VIT: variants seen among roughly 807,000 people sequenced by gnomAD.
The protein encoded by VIT is vitrin.
VIT carries 99 observed loss-of-function variants against 78.0 expected under a neutral mutation model. That is an observed-to-expected ratio of 1.27 (90% CI 1.08 to 1.50). The LOEUF (loss-of-function observed/expected upper bound fraction) is 1.50. VIT is among the 40% of genes most tolerant of loss of function. The probability of loss-of-function intolerance (pLI) is 0.00; values close to 1 mark genes in which losing one functional copy is unlikely to be tolerated. For missense variants in VIT, 1,126 were observed against 875.3 expected (o/e 1.29, Z -3.61); for synonymous variants, 374 against 334.3 (o/e 1.12, Z -1.29).
chr2:36,724,510 A>G (rs969933671), intron 2 of VIT, among the ~76,000 whole-genome samples: 3 of 152,266 alleles, frequency 2.0e-5, no homozygotes, highest in African/African-American at 7.2e-5. Context: ...GCAATTTACC[A>G]TTTCCAGTGT....
intron 1 of VIT, among the ~76,000 whole-genome samples, chr2:36,703,936 G>GTT (rs1367529115): frequency 1.4e-4 from 1 of 7,048 alleles, no homozygotes; most frequent in East Asian, 5.3e-3. Context: ...TTTTGTTTTT[G>GTT]TTTTTTTTTT....
chr2:36,767,854 A>G (rs774966309), intron 7 of VIT, among the ~76,000 whole-genome samples: 2 of 152,206 alleles, frequency 1.3e-5, no homozygotes, highest in Non-Finnish European at 2.9e-5. Context: ...GCACAGACTT[A>G]TATCTACACC....
intron 12 of VIT, among the ~76,000 whole-genome samples, chr2:36,796,658 G>C (rs531815493): frequency 6.6e-6 from 1 of 151,232 alleles, no homozygotes; most frequent in South Asian, 2.1e-4. Flanking sequence ...GTTGTTGTTT[G>C]TTTGTGTTTG....
chr2:36,758,958 C>CT lies in VIT; in HGVS notation c.410-5dup, dbSNP rs1668938861. 11 of 1,587,842 alleles carry CT rather than the reference C, an allele frequency of 6.9e-6. No individual in the cohort carries two copies. The highest frequency in any genetic ancestry group is 2.2e-5 in the East Asian group (1 of 44,700). ...GAAATAAATCTCGTTTTTTTTTTCT[C>CT]TTTTTTGCAGAAAGTAAACCCAAAA... On this transcript the variant is annotated splice_polypyrimidine_tract_variant and intron_variant, in intron 5 of 15. Transcript: ENST00000379242.
chr2:36,700,005 C>T (rs1664950569), intron 1 of VIT, among the ~76,000 whole-genome samples: 2 of 91,386 alleles, frequency 2.2e-5, no homozygotes, highest in South Asian at 3.6e-4. Flanking sequence ...TTGATCAGTG[C>T]CAAATGTTAG....
chr2:36,766,988 G>C (rs959891209), intron 6 of VIT, 106 bp from the exon 7 acceptor site: 1 of 1,307,674 alleles, frequency 7.6e-7, no homozygotes, highest in African/African-American at 1.5e-5. Context: ...GGCTAGCACA[G>C]CTCTGTGCTC....
chr2:36,718,712 G>T (rs1411456866), intron 2 of VIT, among the ~76,000 whole-genome samples: 1 of 152,142 alleles, frequency 6.6e-6, no homozygotes, highest in African/African-American at 2.4e-5. Flanking sequence ...TAGGTACCTG[G>T]ACCAGGAGCC....
chr2:36,763,298 T>G (rs1669230686), intron 6 of VIT, among the ~76,000 whole-genome samples: 1 of 152,050 alleles, frequency 6.6e-6, no homozygotes, highest in African/African-American at 2.4e-5. Context: ...CCTGCTATGT[T>G]TGAGAAGGTG....
intron 5 of VIT, among the ~76,000 whole-genome samples, chr2:36,755,616 G>C (rs139195466): frequency 6.6e-6 from 1 of 152,272 alleles, no homozygotes; most frequent in African/African-American, 2.4e-5. Flanking sequence ...TGCTCGAGTA[G>C]CTTGTTCCCC....
At chr2:36,757,349 C>T (rs1668827547) in intron 5 of VIT, among the ~76,000 whole-genome samples, 1 of 152,210 alleles carries the variant, frequency 6.6e-6, no homozygotes. Flanking sequence ...ATGATCTTTA[C>T]ACAGTCCAGG....
chr2:36,761,650 G>A (rs907411430), intron 6 of VIT, among the ~76,000 whole-genome samples: 1 of 152,106 alleles, frequency 6.6e-6, no homozygotes, highest in African/African-American at 2.4e-5. Context: ...TGAGGCAGGA[G>A]AATCACTTGA....
chr2:36,765,435 A>AGAGAGAGAGAGAGAGAGAG lies in VIT; in HGVS notation c.488-1659_488-1658insGAGAGAGAGAGAGAGAGAG, dbSNP rs1553372934. Among the ~76,000 whole-genome samples the AGAGAGAGAGAGAGAGAGAG allele has an allele frequency of 1.0e-3, 142 of 135,376 alleles. 5 individuals carry two copies. The highest frequency in any genetic ancestry group is 1.4e-3 in the Non-Finnish European group (88 of 62,632). 88.8% of individuals were successfully genotyped at this position (135,376 alleles called of 152,430 possible). A position where few individuals can be genotyped will look rare whatever the true frequency, so the allele number is the denominator to read the frequency against. ...CAGGCGAGAGAGAGAGAGAGAGAGA[A>AGAGAGAGAGAGAGAGAGAG]AGAGAGAGAGAGGAAAAACTGCCTT... On this transcript the variant is annotated intron_variant, in intron 6 of 15. Transcript: ENST00000379242.
chr2:36,761,796 G>A (rs529237008), intron 6 of VIT, among the ~76,000 whole-genome samples: 56 of 152,164 alleles, frequency 3.7e-4, no homozygotes, highest in Admixed American at 7.8e-4. Flanking sequence ...GCTTTGGGCC[G>A]TATCTGGACA....
intron 5 of VIT, among the ~76,000 whole-genome samples, chr2:36,756,268 C>T (rs1469363640): frequency 6.6e-6 from 1 of 151,998 alleles, no homozygotes; most frequent in Non-Finnish European, 1.5e-5. Flanking sequence ...TAACAGTGTT[C>T]TATACTCACC....
Position 36,805,635 on chromosome 2 carries a change from T to C in VIT, c.1360T>C (p.Tyr454His). The change falls in exon 14 of 16, where the codon TAT becomes CAT. Residue 454 changes from tyrosine to histidine, a missense_variant. Coordinates refer to ENST00000379242, the MANE Select transcript of VIT (RefSeq NM_053276.4). ...IEGAAENEKQYVVEPNFANKA... is the reference protein window; with the variant it reads ...IEGAAENEKQHVVEPNFANKA... ...AGGTGCTGCTGAAAATGAGAAGCAG[T>C]ATGTGGTGGAGCCCAACTTTGCAAA... 6.2e-7 allele frequency: 1 copy of C among 1,614,058 alleles called. No homozygotes were observed.
chr2:36,705,006 A>C lies in VIT; in HGVS notation c.-19+8033A>C, dbSNP rs540126827. Among the ~76,000 whole-genome samples the C allele has an allele frequency of 2.4e-4, 36 of 152,334 alleles. No homozygotes were observed. The South Asian group carries it at 7.3e-3, about 31-fold the overall frequency. The stretch of plus-strand genomic sequence containing the variant: ...ACCAAACACCCAGCTCCAAATTCAC[A>C]GTAGACGGCCCTTTGGCAACTACAA... On this transcript the variant is annotated intron_variant, in intron 1 of 15. Transcript: ENST00000379242.
chr2:36,767,279 G>C lies in VIT; in HGVS notation c.673G>C (p.Glu225Gln). 6.4e-7 allele frequency: 1 copy of C among 1,567,118 alleles called. No homozygotes were observed. Among genetic ancestry groups the C allele is most frequent in the Non-Finnish European group, 8.6e-7 (1 of 1,157,764 alleles). Reference sequence around the variant, plus strand: ...ACAATCAGTGGGCCACAGGAGCCAGGAGATGGGTCAGTAGGTAGACCATGT... The same window carrying C: ...ACAATCAGTGGGCCACAGGAGCCAGCAGATGGGTCAGTAGGTAGACCATGT... ...RPQSVGHRSQ[E>Q]MDLWSTATYT... is the part of the protein sequence containing the mutation. Residue 225 changes from glutamate to glutamine, a missense_variant, in exon 7 of 16, where the codon GAG (glutamate) becomes CAG (glutamine). Glu to Gln is a conservative substitution (Grantham distance 29). Transcript: ENST00000379242.
intron 2 of VIT, among the ~76,000 whole-genome samples, chr2:36,717,363 T>C (rs1310075838): frequency 1.4e-5 from 2 of 144,326 alleles, no homozygotes; most frequent in East Asian, 4.1e-4. Flanking sequence ...TGTGTGTGTG[T>C]GTGTGTGTGT....
chr2:36,718,149 G>C lies in VIT; in HGVS notation c.52+1727G>C, dbSNP rs114736842. On this transcript the variant is annotated intron_variant, in intron 2 of 15. Coordinates refer to ENST00000379242, the MANE Select transcript of VIT (RefSeq NM_053276.4). ...CCTAACTTAACATTATATCTGCAAT[G>C]AGCCCATTTCCAAATAAGGTCACAT... Among the ~76,000 whole-genome samples, 1,461 of 152,198 alleles carry C rather than the reference G, an allele frequency of 9.6e-3. 24 individuals carry two copies. Among genetic ancestry groups the C allele is most frequent in the African/African-American group, 0.033 (1,380 of 41,496 alleles).
Sources: allele counts gnomAD v4.1 joint callset (sites outside exome capture counted in the v4.1 genomes callset), GRCh38; gene constraint gnomAD v4.1.1; transcripts MANE v1.5; gene names NCBI Gene and HGNC (gene_info 2026-07-23, HGNC 2026-07-21).